KIF11: variants seen among roughly 807,000 people sequenced by gnomAD.
KIF11 encodes the protein kinesin-like protein KIF11.
In KIF11, 9 loss-of-function variants were observed where a neutral mutation model predicts 121.0. The ratio of observed to expected loss-of-function variants is 0.07; its 90% CI spans 0.04 to 0.13. KIF11 has a LOEUF of 0.13. Among genes scored for constraint, KIF11 ranks in the 10% least tolerant of loss-of-function variants. KIF11 has a pLI of 1.00. For missense variants in KIF11, 846 were observed against 1,217.5 expected (o/e 0.69, Z 4.54); for synonymous variants, 408 against 421.0 (o/e 0.97, Z 0.38).
intron 13 of KIF11, 122 bp downstream of exon 13, chr10:92,632,815 T>C: frequency 1.9e-6 from 1 of 519,280 alleles, no homozygotes; most frequent in Non-Finnish European, 3.3e-6. Flanking sequence ...CACAAACTAT[T>C]TGTTCAGGGT....
chr10:92,599,359 T>C (rs1170826100), intron 1 of KIF11, among the ~76,000 whole-genome samples: 1 of 151,346 alleles, frequency 6.6e-6, no homozygotes, highest in African/African-American at 2.4e-5. Flanking sequence ...ACCCTGTCTC[T>C]ACTAAAAATA....
Position 92,641,133 on chromosome 10 carries a change from C to A in KIF11, c.2267+1233C>A, listed in dbSNP as rs372243075. 1.6e-4 allele frequency among the ~76,000 whole-genome samples: 24 copies of A among 152,258 alleles called. No individual in the cohort carries two copies. In the East Asian group the frequency reaches 2.3e-3, roughly 15 times the overall value. On this transcript the variant is annotated intron_variant, in intron 17 of 21. Transcript: ENST00000260731. Reference sequence around the variant, plus strand: ...TACACTACAGTCAGACCTATGTTTTCTTTTAGGAATTTTATAACTTTATGG... The same window carrying A: ...TACACTACAGTCAGACCTATGTTTTATTTTAGGAATTTTATAACTTTATGG...
intron 18 of KIF11, among the ~76,000 whole-genome samples, chr10:92,646,145 G>GGTTTCACTATATT (rs914731190): frequency 6.6e-6 from 1 of 151,766 alleles, no homozygotes; most frequent in Non-Finnish European, 1.5e-5. Flanking sequence ...GTAGAGATGG[G>GGTTTCACTATATT]GTTTCACTAT....
At chr10:92,634,144 C>T (rs1035124517) in intron 14 of KIF11, among the ~76,000 whole-genome samples, 28 of 151,618 alleles carry the variant, frequency 1.8e-4, no homozygotes, top group African/African-American at 5.6e-4. Context: ...CCACCACACC[C>T]GGCTAATTTT....
Position 92,649,951 on chromosome 10 carries a change from A to C in KIF11, c.2887A>C (p.Asn963His), listed in dbSNP as rs1844963050. 2 of 1,612,980 alleles carry C rather than the reference A, an allele frequency of 1.2e-6. No homozygotes were observed. Among genetic ancestry groups the C allele is most frequent in the Non-Finnish European group, 1.7e-6 (2 of 1,179,340 alleles). The change falls in exon 20 of 22, where the codon AAC (asparagine) becomes CAC (histidine). Residue 963 changes from asparagine to histidine, a missense_variant. Asn to His is a moderately conservative substitution (Grantham distance 68). This residue lies in a region of KIF11 where 492 missense variants were observed against 603.4 expected (regional missense o/e 0.82). Coordinates refer to ENST00000260731, the MANE Select transcript of KIF11 (RefSeq NM_004523.4). Reference sequence around the variant, plus strand: ...ACAGCCTGAGCTGTTAATGATGCTAAACTGTTCAGAAAACAACAAAGAAGA... The same window carrying C: ...ACAGCCTGAGCTGTTAATGATGCTACACTGTTCAGAAAACAACAAAGAAGA... ...RKQPELLMML[N>H]CSENNKEETI...
intron 6 of KIF11, among the ~76,000 whole-genome samples, chr10:92,611,270 T>TGATGC (rs893451769): frequency 2.6e-5 from 4 of 152,042 alleles, no homozygotes; most frequent in Non-Finnish European, 4.4e-5. Flanking sequence ...TGGAGTGAAG[T>TGATGC]GATGCGATCT....
At chr10:92,596,025 C>T (rs950479729) in intron 1 of KIF11, among the ~76,000 whole-genome samples, 1 of 151,800 alleles carries the variant, frequency 6.6e-6, no homozygotes, top group Admixed American at 6.6e-5. Flanking sequence ...TTTTTGAGAC[C>T]GAGTCTCGCT....
intron 10 of KIF11, among the ~76,000 whole-genome samples, chr10:92,625,138 T>G (rs1390652799): frequency 6.6e-6 from 1 of 152,100 alleles, no homozygotes; most frequent in Non-Finnish European, 1.5e-5. Context: ...TAATTTTCAT[T>G]AGTAGCATAT....
intron 1 of KIF11, 75 bp from the exon 2 acceptor site, chr10:92,606,190 T>C (rs1844428737): frequency 7.1e-7 from 1 of 1,402,584 alleles, no homozygotes; most frequent in Non-Finnish European, 9.4e-7. Context: ...TCTTGACAAA[T>C]GTAGTTAGTG....
chr10:92,646,786 T>C (rs937572384), intron 18 of KIF11, among the ~76,000 whole-genome samples: 9 of 152,212 alleles, frequency 5.9e-5, no homozygotes, highest in African/African-American at 2.2e-4. Context: ...CAACACATTG[T>C]CCTGAAAATG....
chr10:92,605,582 G>A (rs1844421479), intron 1 of KIF11, among the ~76,000 whole-genome samples: 1 of 146,972 alleles, frequency 6.8e-6, no homozygotes, highest in Admixed American at 7.0e-5. Context: ...CACCTCCCAG[G>A]TTCAAGCAAT....
At chr10:92,621,707 T>G (rs562799251) in intron 10 of KIF11, among the ~76,000 whole-genome samples, 3 of 152,154 alleles carry the variant, frequency 2.0e-5, no homozygotes, top group African/African-American at 7.2e-5. Context: ...GCTCAAGCGA[T>G]CCTCCTGCCT....
intron 13 of KIF11, among the ~76,000 whole-genome samples, chr10:92,633,062 A>C (rs939655089): frequency 2.6e-5 from 4 of 151,024 alleles, no homozygotes; most frequent in Admixed American, 2.0e-4. Flanking sequence ...ACATTCTGCA[A>C]CTTTTTTTGG....
intron 1 of KIF11, among the ~76,000 whole-genome samples, chr10:92,603,414 T>C (rs1442318747): frequency 6.6e-6 from 1 of 151,736 alleles, no homozygotes; most frequent in Non-Finnish European, 1.5e-5. Flanking sequence ...TAATTTTTTT[T>C]TTTTTGAGAT....
In KIF11 at chr10:92,606,647, A is replaced by G. The variant is rs773582910; in HGVS notation, c.239A>G (p.Asp80Gly). The G allele has an allele frequency of 5.0e-6, 8 of 1,590,094 alleles. No homozygotes were observed. The highest frequency in any genetic ancestry group is 2.7e-5 in the African/African-American group (2 of 74,174). Residue 80 changes from aspartate (D) to glycine (G), a missense_variant, in exon 3 of 22, where the codon GAT (aspartate) becomes GGT (glycine). Transcript: ENST00000260731. Reference sequence around the variant, plus strand: ...TTTGGAGCATCTACTAAACAGATTGATGTTTACCGAAGTGTTGTTTGTCCA... The same window carrying G: ...TTTGGAGCATCTACTAAACAGATTGGTGTTTACCGAAGTGTTGTTTGTCCA... Reference protein sequence around the residue: ...MVFGASTKQIDVYRSVVCPIL... With the variant: ...MVFGASTKQIGVYRSVVCPIL...
intron 6 of KIF11, 97 bp from the exon 7 acceptor site, chr10:92,612,943 A>G: frequency 1.5e-6 from 1 of 666,608 alleles, no homozygotes; most frequent in East Asian, 2.7e-5. Flanking sequence ...TTCTCTACTC[A>G]TGTGGATTTA....
At chr10:92,639,424 C>CA (rs1228028677) in intron 16 of KIF11, among the ~76,000 whole-genome samples, 4 of 151,650 alleles carry the variant, frequency 2.6e-5, no homozygotes, top group East Asian at 3.9e-4. Context: ...CACGTCTCTA[C>CA]AAAAAAAATT....
At chr10:92,610,314 A>G (rs1844482131) in intron 6 of KIF11, among the ~76,000 whole-genome samples, 1 of 152,200 alleles carries the variant, frequency 6.6e-6, no homozygotes, top group Non-Finnish European at 1.5e-5. Context: ...ACTGGCTTTC[A>G]TGGGGTGAAA....
chr10:92,652,007 TG>T (rs1480931442), intron 21 of KIF11, among the ~76,000 whole-genome samples: 2 of 148,350 alleles, frequency 1.3e-5, no homozygotes, highest in Non-Finnish European at 3.0e-5. Context: ...GAGAGGGTCT[TG>T]CTATGTTGGC....
Sources: allele counts gnomAD v4.1 joint callset (sites outside exome capture counted in the v4.1 genomes callset), GRCh38; gene constraint gnomAD v4.1.1; regional missense constraint gnomAD v4.1.1; transcripts MANE v1.5; gene names NCBI Gene and HGNC (gene_info 2026-07-23, HGNC 2026-07-21).